Variants in CEBPZ observed in about 807,000 individuals in gnomAD.
CEBPZ encodes the protein CCAAT/enhancer-binding protein zeta.
CEBPZ carries 78 observed loss-of-function variants against 104.5 expected under a neutral mutation model. That is an observed-to-expected ratio of 0.75 (90% CI 0.62 to 0.90). The LOEUF is 0.90. Ranked by LOEUF, CEBPZ falls within the 40% of genes least tolerant of loss-of-function variation. CEBPZ has a pLI of 0.00. For missense variants in CEBPZ, 1,439 were observed against 1,233.5 expected (o/e 1.17, Z -2.50); for synonymous variants, 470 against 427.0 (o/e 1.10, Z -1.24).
rs755815948 is a variant in CEBPZ, at chr2:37,227,757, T to G, written c.1436A>C (p.Glu479Ala). Residue 479 changes from glutamate (E) to alanine (A), a missense_variant, in exon 2 of 16, where the codon GAA (glutamate) becomes GCA (alanine). Coordinates refer to ENST00000234170, the MANE Select transcript of CEBPZ (RefSeq NM_005760.3). The stretch of plus-strand genomic sequence containing the variant: ...TAAAAGGGCGCTAAGCATTTTTGAT[T>G]CAACATCTTTTTTTTTGACACAAGT... ...FRTCVKKKDVESKMLSALLTG... is the reference protein window; with the variant it reads ...FRTCVKKKDVASKMLSALLTG... 6.2e-7 allele frequency: 1 copy of G among 1,613,926 alleles called. No individual in the cohort carries two copies. The highest frequency in any genetic ancestry group is 8.5e-7 in the Non-Finnish European group (1 of 1,179,970).
At chr2:37,215,575 T>C (rs1677848005) in intron 8 of CEBPZ, 1 of 152,526 alleles carries the variant, frequency 6.6e-6, no homozygotes, top group Non-Finnish European at 1.5e-5. Context: ...AATTAAATGA[T>C]CTATAAGGTC....
intron 13 of CEBPZ, chr2:37,204,356 C>T (rs2148335497): frequency 7.1e-6 from 1 of 141,052 alleles, no homozygotes; most frequent in Non-Finnish European, 1.6e-5. Flanking sequence ...CGGCTCACTG[C>T]AACCTCTGCC....
At chr2:37,203,217 T>C in intron 13 of CEBPZ, 1 of 356,858 alleles carries the variant, frequency 2.8e-6, no homozygotes, top group Non-Finnish European at 5.0e-6. Context: ...AATAGAACTG[T>C]TCAGATGACA....
At chr2:37,222,345 A>T in intron 4 of CEBPZ, 35 bp downstream of exon 4, 2 of 1,472,158 alleles carry the variant, frequency 1.4e-6, no homozygotes, top group Non-Finnish European at 9.1e-7. Flanking sequence ...AAAGAGAAAC[A>T]AACTCCCTAG....
rs1287023975 is a variant in CEBPZ, at chr2:37,227,656, T to C, written c.1537A>G (p.Lys513Glu). Residue 513 changes from lysine (K) to glutamate (E), a missense_variant, in exon 2 of 16, where the codon AAA (lysine) becomes GAA (glutamate). By Grantham distance (56) the Lys-to-Glu change is moderately conservative. Coordinates refer to ENST00000234170, the MANE Select transcript of CEBPZ (RefSeq NM_005760.3). ...TTAAAATTCACAATATGCAACACTT[T>C]AAACAGTGTGTCAATCTGCTCCCTT... ...KVREQIDTLF[K>E]VLHIVNFNTS... 1.2e-6 allele frequency: 2 copies of C among 1,614,064 alleles called. No individual in the cohort carries two copies. The highest frequency in any genetic ancestry group is 1.7e-6 in the Non-Finnish European group (2 of 1,180,026).
intron 3 of CEBPZ, 48 bp downstream of exon 3, chr2:37,223,122 A>G (rs762994831): frequency 5.5e-6 from 8 of 1,465,790 alleles, no homozygotes; most frequent in Non-Finnish European, 6.6e-6. Context: ...AACAAAAACC[A>G]ATATATTTCA....
Position 37,216,418 on chromosome 2 carries a change from C to T in CEBPZ, c.2209G>A (p.Gly737Arg), listed in dbSNP as rs538120629. 4 of 1,599,682 alleles carry T rather than the reference C, an allele frequency of 2.5e-6. No homozygotes were observed. The Admixed American group carries it at 5.1e-5, about 21-fold the overall frequency. ...VALFAKTILQ[G>R]NYIQYSGDPL... ...TCCCCTGAATACTGAATATAGTTTC[C>T]CTGAAAAGTGGAGCGGGGATTTAAA... Residue 737 changes from glycine (G) to arginine (R), a missense_variant and splice_region_variant, in exon 7 of 16, where the codon GGA becomes AGA. Transcript: ENST00000234170.
At chr2:37,221,942 A>G (rs1664779580) in intron 4 of CEBPZ, among the ~76,000 whole-genome samples, 1 of 152,200 alleles carries the variant, frequency 6.6e-6, no homozygotes, top group African/African-American at 2.4e-5. Flanking sequence ...AAAACCACTT[A>G]ACGTTTCTAT....
Position 37,227,799 on chromosome 2 carries a change from T to G in CEBPZ, c.1394A>C (p.Tyr465Ser). The change falls in exon 2 of 16, where the codon TAC becomes TCC. Residue 465 changes from tyrosine (Y) to serine (S), a missense_variant. By Grantham distance (144) the Tyr-to-Ser change is moderately radical. Coordinates refer to ENST00000234170, the MANE Select transcript of CEBPZ (RefSeq NM_005760.3). ...GACACAAGTCCGAAAAAAGCAAAAGTAAACAGTTATTAATTTGTTAGCCAA... is the reference window on the plus strand; with the variant it reads ...GACACAAGTCCGAAAAAAGCAAAAGGAAACAGTTATTAATTTGTTAGCCAA... ...SELANKLITV[Y>S]FCFFRTCVKK... 1 of 1,614,024 alleles carries G rather than the reference T, an allele frequency of 6.2e-7. No individual in the cohort carries two copies. The highest frequency in any genetic ancestry group is 8.5e-7 in the Non-Finnish European group (1 of 1,180,020).
Position 37,228,624 on chromosome 2 carries a change from T to C in CEBPZ, c.569A>G (p.Asn190Ser), listed in dbSNP as rs769036000. ...AGGCTGGGGTTTCAAAGAATATTCA[T>C]TGCTGTACTCCAGATCATACCATTT... ...GGKWYDLEYS[N>S]EYSLKPQPQD... The change falls in exon 2 of 16, where the codon AAT (asparagine) becomes AGT (serine). Residue 190 changes from asparagine (N) to serine (S), a missense_variant. By Grantham distance (46) the Asn-to-Ser change is conservative (BLOSUM62 1). Transcript: ENST00000234170. The C allele has an allele frequency of 2.5e-6, 4 of 1,614,086 alleles. No individual in the cohort carries two copies. The highest frequency in any genetic ancestry group is 3.4e-6 in the Non-Finnish European group (4 of 1,180,038).
In CEBPZ at chr2:37,227,915, C is replaced by T; in HGVS notation, c.1278G>A (p.Arg426=). ...AGCTGATATTTGAGCGGAAGAGTAG[C>T]CTTTCTACTTCACCAGACACAACTC... ...MKGVVSGEVE[R]LLFRSNISSK... is the part of the protein sequence containing the mutation. The change falls in exon 2 of 16, where the codon AGG becomes AGA. Residue 426 remains arginine (R), a synonymous_variant. Transcript: ENST00000234170. 1.2e-6 allele frequency: 2 copies of T among 1,614,142 alleles called. No individual in the cohort carries two copies. Among genetic ancestry groups the T allele is most frequent in the African/African-American group, 1.3e-5 (1 of 75,026 alleles).
intron 5 of CEBPZ, among the ~76,000 whole-genome samples, chr2:37,219,374 C>T (rs1418525588): frequency 6.6e-6 from 1 of 151,530 alleles, no homozygotes; most frequent in East Asian, 1.9e-4. Context: ...AGTAATTCTC[C>T]CTGTGTCATC....
At chr2:37,213,988 C>T in intron 9 of CEBPZ, 27 bp from the exon 10 acceptor site, 1 of 1,283,144 alleles carries the variant, frequency 7.8e-7, no homozygotes, top group Non-Finnish European at 1.1e-6. Context: ...ATATATTTGA[C>T]AATTTTATTA....
At chr2:37,225,249 C>A (rs545320119) in intron 2 of CEBPZ, among the ~76,000 whole-genome samples, 2 of 152,284 alleles carry the variant, frequency 1.3e-5, no homozygotes, top group African/African-American at 4.8e-5. Context: ...AGCAAGTGGA[C>A]CTGGACTTGC....
intron 13 of CEBPZ, chr2:37,209,170 C>T (rs1467904654): frequency 1.3e-5 from 2 of 152,098 alleles, no homozygotes; most frequent in Non-Finnish European, 2.9e-5. Flanking sequence ...GAAACGCATC[C>T]CATGTTCATG....
At chr2:37,210,805 T>A in intron 13 of CEBPZ, 194 bp downstream of exon 13, 1 of 474,920 alleles carries the variant, frequency 2.1e-6, no homozygotes, top group Non-Finnish European at 3.7e-6. Context: ...AATGAAAAGA[T>A]GATCCAGAGA....
chr2:37,227,723 C>T lies in CEBPZ; in HGVS notation c.1470G>A (p.Val490=). 1 of 1,614,140 alleles carries T rather than the reference C, an allele frequency of 6.2e-7. No individual in the cohort carries two copies. Among genetic ancestry groups the T allele is most frequent in the Non-Finnish European group, 8.5e-7 (1 of 1,180,024 alleles). The change falls in exon 2 of 16, where the codon GTG becomes GTA. Residue 490 remains valine (V), a synonymous_variant. Coordinates refer to ENST00000234170, the MANE Select transcript of CEBPZ (RefSeq NM_005760.3). ...SKMLSALLTG[V]NRAYPYSQTG... ...TCTGGGAATAAGGGTATGCCCTATTCACACCTGTTAAAAGGGCGCTAAGCA... is the reference window on the plus strand; with the variant it reads ...TCTGGGAATAAGGGTATGCCCTATTTACACCTGTTAAAAGGGCGCTAAGCA...
chr2:37,202,713 AT>A (rs1221111613), intron 15 of CEBPZ, 70 bp downstream of exon 15: 6 of 653,852 alleles, frequency 9.2e-6, no homozygotes, highest in African/African-American at 2.0e-5. Context: ...AATAACGAAA[AT>A]TTCCTATCTT....
intron 13 of CEBPZ, 114 bp downstream of exon 13, chr2:37,210,885 C>A: frequency 7.7e-6 from 4 of 519,154 alleles, no homozygotes; most frequent in South Asian, 9.5e-5. Context: ...TAAAAAGAAC[C>A]CCCCCCACCC....
Sources: gnomAD v4.1 joint callset for allele counts (sites outside exome capture counted in the v4.1 genomes callset) on GRCh38, gnomAD v4.1.1 for gene constraint, MANE v1.5 for transcripts, NCBI Gene and HGNC (gene_info 2026-07-23, HGNC 2026-07-21) for gene names.